DDX10: variants seen among roughly 807,000 people sequenced by gnomAD.
DDX10 encodes the protein probable ATP-dependent RNA helicase DDX10.
In DDX10, 74 loss-of-function variants were observed where a neutral mutation model predicts 104.3. The observed-to-expected ratio is 0.71, with a 90% CI of 0.59 to 0.86. DDX10 has a LOEUF of 0.86. Ranked by LOEUF, DDX10 falls within the 40% of genes least tolerant of loss-of-function variation. DDX10 has a pLI of 0.00. For missense variants in DDX10, 952 were observed against 1,040.0 expected (o/e 0.92, Z 1.16); for synonymous variants, 351 against 353.4 (o/e 0.99, Z 0.08).
intron 16 of DDX10, among the ~76,000 whole-genome samples, chr11:108,867,197 T>C (rs142883381): frequency 0.014 from 2,136 of 152,284 alleles, 165 homozygotes; most frequent in Admixed American, 0.13. Flanking sequence ...GCAGTACAAG[T>C]TAAAATAGAG....
At chr11:108,845,361 G>C (rs963051795) in intron 15 of DDX10, among the ~76,000 whole-genome samples, 1 of 152,072 alleles carries the variant, frequency 6.6e-6, no homozygotes, top group Non-Finnish European at 1.5e-5. Context: ...CACATTGTTG[G>C]TTTTTGAAGT....
intron 13 of DDX10, among the ~76,000 whole-genome samples, chr11:108,828,157 A>T (rs1382328781): frequency 2.6e-5 from 4 of 151,500 alleles, no homozygotes; most frequent in South Asian, 2.1e-4. Flanking sequence ...TTTGTTTTTA[A>T]TTTTTTTTTA....
chr11:108,903,293 A>G (rs192447333), intron 16 of DDX10, among the ~76,000 whole-genome samples: 11 of 152,244 alleles, frequency 7.2e-5, no homozygotes, highest in Non-Finnish European at 1.6e-4. Context: ...GACATTCCAT[A>G]TAAGTGGATT....
At chr11:108,906,455 A>G (rs1001634019) in intron 16 of DDX10, among the ~76,000 whole-genome samples, 2 of 152,132 alleles carry the variant, frequency 1.3e-5, no homozygotes, top group Non-Finnish European at 2.9e-5. Context: ...CATCACATGC[A>G]TTGCTCTTCC....
intron 13 of DDX10, among the ~76,000 whole-genome samples, chr11:108,736,461 A>T (rs530519288): frequency 6.6e-6 from 1 of 152,192 alleles, no homozygotes; most frequent in African/African-American, 2.4e-5. Context: ...ATACCACCGA[A>T]GTTGAAATGT....
chr11:108,881,787 CA>C, intron 16 of DDX10, among the ~76,000 whole-genome samples: 1 of 152,220 alleles, frequency 6.6e-6, no homozygotes, highest in East Asian at 1.9e-4. Flanking sequence ...ATAGGTTTAT[CA>C]GGATGCAACC....
intron 9 of DDX10, among the ~76,000 whole-genome samples, chr11:108,704,182 T>C (rs1218130742): frequency 1.3e-5 from 2 of 152,200 alleles, no homozygotes; most frequent in Non-Finnish European, 2.9e-5. Context: ...TAGGAGTCAG[T>C]TGGAACATGA....
intron 15 of DDX10, among the ~76,000 whole-genome samples, chr11:108,850,794 G>A (rs190916541): frequency 6.6e-6 from 1 of 152,254 alleles, no homozygotes; most frequent in Admixed American, 6.5e-5. Context: ...ATTTGAGAGA[G>A]TGAGGACTTC....
chr11:108,704,318 A>G (rs1305023173), intron 9 of DDX10, among the ~76,000 whole-genome samples: 2 of 152,222 alleles, frequency 1.3e-5, no homozygotes, highest in East Asian at 3.8e-4. Context: ...AATATAGAGT[A>G]TTAAAAGGAT....
At chr11:108,668,963 G>A (rs574423632) in intron 1 of DDX10, among the ~76,000 whole-genome samples, 1 of 152,158 alleles carries the variant, frequency 6.6e-6, no homozygotes, top group Non-Finnish European at 1.5e-5. Flanking sequence ...TCCTCCTGGT[G>A]GTTGCAGCCT....
At chr11:108,916,869 C>A (rs560827492) in intron 16 of DDX10, among the ~76,000 whole-genome samples, 1 of 151,984 alleles carries the variant, frequency 6.6e-6, no homozygotes, top group African/African-American at 2.4e-5. Context: ...AAATTAAAAA[C>A]AAAAGAAGCC....
At chr11:108,817,915 T>C (rs1346601343) in intron 13 of DDX10, among the ~76,000 whole-genome samples, 1 of 152,226 alleles carries the variant, frequency 6.6e-6, no homozygotes, top group Non-Finnish European at 1.5e-5. Context: ...GAACACCTTG[T>C]CTATAAGGAG....
intron 12 of DDX10, 116 bp downstream of exon 12, chr11:108,720,001 C>T (rs2094296303): frequency 1.4e-6 from 1 of 691,542 alleles, no homozygotes. Context: ...CCCCTGTGCT[C>T]CAGCAGTCCA....
intron 16 of DDX10, among the ~76,000 whole-genome samples, chr11:108,860,349 AC>A (rs1862924855): frequency 6.6e-6 from 1 of 152,170 alleles, no homozygotes; most frequent in Non-Finnish European, 1.5e-5. Context: ...AATGACATAT[AC>A]CACTGTAGAA....
At chr11:108,767,247 G>T (rs1278749515) in intron 13 of DDX10, 2 of 152,190 alleles carry the variant, frequency 1.3e-5, no homozygotes, top group Non-Finnish European at 2.9e-5. Flanking sequence ...TGCTTTTGGA[G>T]AAAAGGCAGT....
rs183394486 is a variant in DDX10, at chr11:108,699,699, C to A, written c.1223+6099C>A. On this transcript the variant is annotated intron_variant, in intron 9 of 17. Coordinates refer to ENST00000322536, the MANE Select transcript of DDX10 (RefSeq NM_004398.4). ...TTCTGTTCCTTGTAGGGGGACTACACAAGGGTGTCAATACCAGGAGGTGCA... is the reference window on the plus strand; with the variant it reads ...TTCTGTTCCTTGTAGGGGGACTACAAAAGGGTGTCAATACCAGGAGGTGCA... Among the ~76,000 whole-genome samples, 12 of 152,284 alleles carry A rather than the reference C, an allele frequency of 7.9e-5. No homozygotes were observed. The East Asian group carries it at 2.3e-3, about 29-fold the overall frequency.
chr11:108,792,524 C>T (rs941766243), intron 13 of DDX10, among the ~76,000 whole-genome samples: 1 of 151,854 alleles, frequency 6.6e-6, no homozygotes, highest in Admixed American at 6.6e-5. Context: ...CTGTCTTTTC[C>T]TCATTCAATT....
chr11:108,909,657 C>T (rs1025901036), intron 16 of DDX10, among the ~76,000 whole-genome samples: 1 of 152,138 alleles, frequency 6.6e-6, no homozygotes, highest in African/African-American at 2.4e-5. Context: ...AGTCTACTGG[C>T]CACTGGTGTC....
intron 16 of DDX10, among the ~76,000 whole-genome samples, chr11:108,889,846 T>G (rs1363203441): frequency 1.3e-5 from 2 of 152,218 alleles, no homozygotes; most frequent in African/African-American, 4.8e-5. Context: ...ACATCATAAG[T>G]ATAAATGATT....
Sources: gnomAD v4.1 joint callset for allele counts (sites outside exome capture counted in the v4.1 genomes callset) on GRCh38, gnomAD v4.1.1 for gene constraint, MANE v1.5 for transcripts, NCBI Gene and HGNC (gene_info 2026-07-23, HGNC 2026-07-21) for gene names.